LYRM1: variants seen among roughly 807,000 people sequenced by gnomAD.
LYRM1 encodes the protein LYR motif containing 1, also known as LYR motif-containing protein 1.
A neutral mutation model predicts 14.9 loss-of-function variants in LYRM1; 14 were observed. The ratio of observed to expected loss-of-function variants is 0.94; its 90% confidence interval spans 0.62 to 1.47. The LOEUF (loss-of-function observed/expected upper bound fraction) is 1.47, where lower values mean the gene tolerates loss of function less well. Ranked by LOEUF, LYRM1 falls within the 40% of genes most tolerant of loss-of-function variation. The probability of loss-of-function intolerance (pLI) is 0.00; values close to 1 mark genes in which losing one functional copy is unlikely to be tolerated. For synonymous variants in LYRM1, 43 were observed against 56.2 expected, an observed-to-expected ratio of 0.77 and a Z score of 1.05; for missense variants, 153 against 149.9, an observed-to-expected ratio of 1.02 and a Z score of -0.11.
intron 1 of LYRM1, among the ~76,000 whole-genome samples, chr16:20,915,182 C>G (rs1596760027): frequency 6.6e-6 from 1 of 152,294 alleles, no homozygotes; most frequent in East Asian, 1.9e-4. Flanking sequence ...AATTAAAAAA[C>G]TGTACATCAG....
At chr16:20,906,839 C>A (rs1245501956) in intron 1 of LYRM1, among the ~76,000 whole-genome samples, 2 of 152,162 alleles carry the variant, frequency 1.3e-5, no homozygotes, top group African/African-American at 2.4e-5. Flanking sequence ...CATAGTCCTC[C>A]TGTAGAAACA....
chr16:20,911,993 G>T (rs2082617534), intron 1 of LYRM1, among the ~76,000 whole-genome samples: 1 of 151,918 alleles, frequency 6.6e-6, no homozygotes, highest in Non-Finnish European at 1.5e-5. Context: ...CTCAGTCTTG[G>T]CTTGTAGTGC....
Position 20,911,429 on chromosome 16 carries a change from T to C in LYRM1, c.1-4127T>C, listed in dbSNP as rs183322517. Among the ~76,000 whole-genome samples the C allele has an allele frequency of 2.6e-5, 4 of 152,302 alleles. 1 individual carries two copies. Among genetic ancestry groups the C allele is most frequent in the African/African-American group, 9.6e-5 (4 of 41,566 alleles). On this transcript the variant is annotated intron_variant, in intron 1 of 3. Transcript: ENST00000567954. ...CCTAAAGCATATTATCTCCACCTCT[T>C]ATGCCTTTCCCTCCATAAGTTGAAA...
At chr16:20,917,989 G>C (rs188352733) in intron 2 of LYRM1, among the ~76,000 whole-genome samples, 40 of 151,852 alleles carry the variant, frequency 2.6e-4, no homozygotes, top group Admixed American at 5.9e-4. Flanking sequence ...TGATTTAACT[G>C]ACCTCCTCCA....
chr16:20,912,189 G>A (rs767977730), intron 1 of LYRM1, among the ~76,000 whole-genome samples: 42 of 152,086 alleles, frequency 2.8e-4, no homozygotes, highest in Admixed American at 4.6e-4. Context: ...TGACCTGCCT[G>A]TCCCAGCCTC....
chr16:20,923,108 T>C (rs1476090021), intron 3 of LYRM1, among the ~76,000 whole-genome samples: 1 of 152,180 alleles, frequency 6.6e-6, no homozygotes, highest in African/African-American at 2.4e-5. Context: ...CTAAGTCCAC[T>C]GATTCAAATG....
In LYRM1 at chr16:20,905,767, T is replaced by TA. The variant is rs538210090; in HGVS notation, c.-1+4879dup. ...AGGGTTACATCATAGCTGTGTCTCT[T>TA]ACGCTGTTCTGGATGAAACTGATGA... is the stretch of plus-strand genomic sequence containing the variant. On this transcript the variant is annotated intron_variant, in intron 1 of 3. Coordinates refer to ENST00000567954, the MANE Select transcript of LYRM1 (RefSeq NM_001128302.3). Among the ~76,000 whole-genome samples the TA allele has an allele frequency of 3.7e-4, 56 of 152,324 alleles. 1 individual carries two copies. In the East Asian group the frequency reaches 9.3e-3, roughly 25 times the overall value.
chr16:20,919,452 A>G (rs2083074737), intron 2 of LYRM1, among the ~76,000 whole-genome samples: 1 of 152,258 alleles, frequency 6.6e-6, no homozygotes, highest in Non-Finnish European at 1.5e-5. Flanking sequence ...TGTGAGAATT[A>G]AAAATGCATG....
rs751209994 is a variant in LYRM1 at position 20,924,158 on chromosome 16, T to C, written c.*42T>C. On this transcript the variant is annotated 3_prime_UTR_variant, in exon 4 of 4. Coordinates refer to ENST00000567954, the MANE Select transcript of LYRM1 (RefSeq NM_001128302.3). ...TTTCTGCAAATGATGAGCCAACTAG[T>C]TATTGAATGTAAACCAGATGGCAAA... 14 of 1,127,326 alleles carry C rather than the reference T, an allele frequency of 1.2e-5. No individual in the cohort carries two copies. The highest frequency in any genetic ancestry group is 1.9e-5 in the Non-Finnish European group (14 of 756,524). The allele number at this position is 1,127,326 out of a possible 1,614,324, so 69.8% of individuals were successfully genotyped here.
intron 1 of LYRM1, among the ~76,000 whole-genome samples, chr16:20,913,699 A>G (rs1567454438): frequency 6.6e-6 from 1 of 152,244 alleles, no homozygotes; most frequent in Non-Finnish European, 1.5e-5. Context: ...TTAGCTTTAC[A>G]GAATATACCT....
At position 20,915,491 on chromosome 16, in the gene LYRM1, T is replaced by C. The variant is rs568565021; in HGVS notation, c.1-65T>C. ...AAAAAAAAAAAACTGTACATCTGCCTGGTGCCTCCTGTCAAGTTGCATTTT... is the reference window on the plus strand; with the variant it reads ...AAAAAAAAAAAACTGTACATCTGCCCGGTGCCTCCTGTCAAGTTGCATTTT... On this transcript the variant is annotated intron_variant, in intron 1 of 3. Transcript: ENST00000567954. 22 of 1,242,310 alleles carry C rather than the reference T, an allele frequency of 1.8e-5. No individual in the cohort carries two copies. In the East Asian group the frequency reaches 5.0e-4, roughly 28 times the overall value. 77.0% of individuals were successfully genotyped at this position (1,242,310 alleles called of 1,614,324 possible). A position where few individuals can be genotyped will look rare whatever the true frequency, so the allele number is the denominator to read the frequency against.
intron 1 of LYRM1, among the ~76,000 whole-genome samples, chr16:20,903,021 A>T (rs2082143905): frequency 6.6e-6 from 1 of 152,194 alleles, no homozygotes; most frequent in Admixed American, 6.5e-5. Flanking sequence ...CTGGGTTTCA[A>T]TCCTGGATCT....
intron 3 of LYRM1, among the ~76,000 whole-genome samples, chr16:20,923,393 G>A (rs1443367909): frequency 4.0e-5 from 6 of 151,564 alleles, no homozygotes; most frequent in African/African-American, 7.3e-5. Context: ...CCAGCTACTC[G>A]GGAGGCTGAG....
intron 1 of LYRM1, among the ~76,000 whole-genome samples, chr16:20,912,650 C>T (rs1433294383): frequency 6.6e-6 from 1 of 152,132 alleles, no homozygotes; most frequent in Non-Finnish European, 1.5e-5. Context: ...TATCTTCATA[C>T]AGCAGGCTGA....
chr16:20,910,960 A>G (rs1024760697), intron 1 of LYRM1, among the ~76,000 whole-genome samples: 3 of 152,220 alleles, frequency 2.0e-5, no homozygotes, highest in African/African-American at 7.2e-5. Context: ...ATGTATTTTC[A>G]TATGAAACCA....
At chr16:20,904,242 G>C (rs2152526944) in intron 1 of LYRM1, among the ~76,000 whole-genome samples, 1 of 152,152 alleles carries the variant, frequency 6.6e-6, no homozygotes, top group East Asian at 1.9e-4. Context: ...TTGTTATCTT[G>C]GTTACAGTAG....
intron 3 of LYRM1, among the ~76,000 whole-genome samples, chr16:20,920,981 A>C (rs1219085673): frequency 6.6e-6 from 1 of 151,504 alleles, no homozygotes; most frequent in Non-Finnish European, 1.5e-5. Context: ...AACAAAATAA[A>C]TTTCAAATTT....
At chr16:20,916,815 T>TTGA (rs2082925413) in intron 2 of LYRM1, among the ~76,000 whole-genome samples, 1 of 152,206 alleles carries the variant, frequency 6.6e-6, no homozygotes, top group Non-Finnish European at 1.5e-5. Context: ...TTGCCCACTA[T>TTGA]GTGCCAAACA....
chr16:20,913,112 TAAAA>T (rs2082685972), intron 1 of LYRM1, among the ~76,000 whole-genome samples: 1 of 149,978 alleles, frequency 6.7e-6, no homozygotes, highest in Admixed American at 6.7e-5. Context: ...AATAAATAAA[TAAAA>T]CTTGCAAAGC....
Sources: gnomAD v4.1 joint callset for allele counts (sites outside exome capture counted in the v4.1 genomes callset) on GRCh38, gnomAD v4.1.1 for gene constraint, MANE v1.5 for transcripts, NCBI Gene and HGNC (gene_info 2026-07-23, HGNC 2026-07-21) for gene names.